KCNH5: variants seen among roughly 807,000 people sequenced by gnomAD.
KCNH5 encodes voltage-gated delayed rectifier potassium channel KCNH5.
In KCNH5, 46 loss-of-function variants were observed where a neutral mutation model predicts 96.1. That is an observed-to-expected ratio of 0.48 (90% CI 0.38 to 0.61). The LOEUF is 0.61. Ranked by LOEUF, KCNH5 falls within the 20% of genes least tolerant of loss-of-function variation. The pLI, the probability that KCNH5 is intolerant of heterozygous loss-of-function variation, is 0.00. For synonymous variants in KCNH5, 439 were observed against 449.8 expected, an observed-to-expected ratio of 0.98 and a Z score of 0.30; for missense variants, 907 against 1,225.8, an observed-to-expected ratio of 0.74 and a Z score of 3.88.
chr14:62,875,811 T>C (rs1231673132), intron 7 of KCNH5, among the ~76,000 whole-genome samples: 3 of 152,142 alleles, frequency 2.0e-5, no homozygotes, highest in Non-Finnish European at 1.5e-5. Flanking sequence ...GGTCAGGAGA[T>C]TAAGACCAGC....
chr14:62,727,346 CAGAGTG>C, intron 10 of KCNH5, among the ~76,000 whole-genome samples: 1 of 151,844 alleles, frequency 6.6e-6, no homozygotes, highest in South Asian at 2.1e-4. Flanking sequence ...GCATGGGCAA[CAGAGTG>C]AGACTCTGTC....
intron 9 of KCNH5, among the ~76,000 whole-genome samples, chr14:62,781,572 C>T (rs111288139): frequency 0.031 from 4,672 of 152,200 alleles, 264 homozygotes; most frequent in African/African-American, 0.11. Context: ...AGAGACCTAC[C>T]GCCAGGTGCG....
rs1395997437 is a variant in KCNH5, at chr14:62,773,926, A to G, written c.2019+5802T>C. Among the ~76,000 whole-genome samples, 3 of 152,194 alleles carry G rather than the reference A, an allele frequency of 2.0e-5. No individual in the cohort carries two copies. In the East Asian group the frequency reaches 5.8e-4, roughly 29 times the overall value. ...AAAAGGTTACAATGAAATTACCAAT[A>G]TATCTGCTGATTTGAGGACCTTTGA... On this transcript the variant is annotated intron_variant, in intron 10 of 10. Coordinates refer to ENST00000322893, the MANE Select transcript of KCNH5 (RefSeq NM_139318.5).
intron 4 of KCNH5, among the ~76,000 whole-genome samples, chr14:62,994,794 T>G (rs1001362738): frequency 6.6e-6 from 1 of 152,010 alleles, no homozygotes; most frequent in Non-Finnish European, 1.5e-5. Context: ...CGTCAGAATC[T>G]TCAACAGTAA....
At chr14:62,912,484 G>A (rs1357368308) in intron 7 of KCNH5, among the ~76,000 whole-genome samples, 3 of 151,160 alleles carry the variant, frequency 2.0e-5, no homozygotes. Flanking sequence ...TTGGCTCACT[G>A]CAGCCTCTGC....
chr14:62,875,854 G>C (rs945005921), intron 7 of KCNH5, among the ~76,000 whole-genome samples: 1 of 151,990 alleles, frequency 6.6e-6, no homozygotes, highest in African/African-American at 2.4e-5. Context: ...TTACGTTGTT[G>C]ATTAGGTTTT....
chr14:62,964,102 C>G (rs544339447), intron 6 of KCNH5, among the ~76,000 whole-genome samples: 1 of 152,188 alleles, frequency 6.6e-6, no homozygotes, highest in East Asian at 1.9e-4. Flanking sequence ...TTTTTCCTCA[C>G]TTCCCTATAC....
chr14:62,932,461 T>A (rs1199742756), intron 7 of KCNH5, among the ~76,000 whole-genome samples: 41 of 136,084 alleles, frequency 3.0e-4, no homozygotes, highest in African/African-American at 8.0e-4. Context: ...CATAGAAAAC[T>A]GTAGAAATGA....
chr14:62,895,917 C>G (rs923239987), intron 7 of KCNH5, among the ~76,000 whole-genome samples: 4 of 152,124 alleles, frequency 2.6e-5, no homozygotes, highest in African/African-American at 9.7e-5. Context: ...AGATATACCC[C>G]TAATTTCATT....
chr14:62,827,594 G>A (rs1437885021), intron 8 of KCNH5, among the ~76,000 whole-genome samples: 1 of 152,064 alleles, frequency 6.6e-6, no homozygotes, highest in African/African-American at 2.4e-5. Context: ...AAAAAATGTT[G>A]CTCTATTGTT....
intron 9 of KCNH5, among the ~76,000 whole-genome samples, chr14:62,789,232 C>A (rs1252660157): frequency 6.6e-6 from 1 of 152,012 alleles, no homozygotes. Context: ...CTTTAAGGTT[C>A]ATCCATGCTG....
At chr14:62,878,303 T>A (rs145175712) in intron 7 of KCNH5, among the ~76,000 whole-genome samples, 4,751 of 151,794 alleles carry the variant, frequency 0.031, 93 homozygotes, top group Middle Eastern at 0.061. Context: ...CATATGTAAC[T>A]AACCTGCACA....
chr14:62,859,838 G>A (rs1405429760), intron 7 of KCNH5, among the ~76,000 whole-genome samples: 1 of 152,142 alleles, frequency 6.6e-6, no homozygotes, highest in Non-Finnish European at 1.5e-5. Flanking sequence ...CTGTGAATCA[G>A]GCCCTAGTCT....
Position 63,038,885 on chromosome 14 carries a change from CTATT to C in KCNH5, c.73+6225_73+6228del, listed in dbSNP as rs1891772154. Among the ~76,000 whole-genome samples the C allele has an allele frequency of 2.6e-5, 4 of 152,118 alleles. No homozygotes were observed. The South Asian group carries it at 6.2e-4, about 24-fold the overall frequency. On this transcript the variant is annotated intron_variant, in intron 1 of 10. Transcript: ENST00000322893. ...TCATGTCATGTATTATAAAGCTAGA[CTATT>C]TAGTGGAAAATGCTGAGGATTTTTT... is the stretch of plus-strand genomic sequence containing the variant.
chr14:63,003,004 C>T (rs1594669396), intron 3 of KCNH5, among the ~76,000 whole-genome samples: 1 of 152,172 alleles, frequency 6.6e-6, no homozygotes, highest in African/African-American at 2.4e-5. Flanking sequence ...GTAGCTATTC[C>T]AACACAGTAA....
intron 7 of KCNH5, among the ~76,000 whole-genome samples, chr14:62,878,183 T>C (rs1257305275): frequency 3.0e-5 from 2 of 67,468 alleles, no homozygotes; most frequent in East Asian, 9.2e-4. Context: ...CATCACACTC[T>C]GGGGACTGTT....
intron 1 of KCNH5, among the ~76,000 whole-genome samples, chr14:63,019,544 C>T (rs930023056): frequency 3.9e-5 from 6 of 151,936 alleles, no homozygotes; most frequent in Non-Finnish European, 8.8e-5. Context: ...TCACATACAA[C>T]GTCAACAGCT....
chr14:62,889,264 C>G (rs940559687), intron 7 of KCNH5, among the ~76,000 whole-genome samples: 2 of 152,154 alleles, frequency 1.3e-5, no homozygotes, highest in Admixed American at 1.3e-4. Context: ...GATTGAGAGT[C>G]AGCTACCTGC....
intron 10 of KCNH5, among the ~76,000 whole-genome samples, chr14:62,728,281 T>G (rs1252096999): frequency 1.3e-5 from 2 of 150,018 alleles, no homozygotes; most frequent in African/African-American, 4.9e-5. Flanking sequence ...CAGCTACTTG[T>G]GAGGCTGAGG....
Sources: gnomAD v4.1 joint callset for allele counts (sites outside exome capture counted in the v4.1 genomes callset) on GRCh38, gnomAD v4.1.1 for gene constraint, MANE v1.5 for transcripts, NCBI Gene and HGNC (gene_info 2026-07-23, HGNC 2026-07-21) for gene names.